Variants in AGBL1 observed in about 807,000 individuals in gnomAD.
The protein encoded by AGBL1 is cytosolic carboxypeptidase 4.
AGBL1 carries 130 observed loss-of-function variants against 118.9 expected under a neutral mutation model. The observed-to-expected ratio is 1.09, with a 90% CI of 0.95 to 1.26. AGBL1 has a LOEUF of 1.26. Ranked by LOEUF, AGBL1 falls within the 50% of genes most tolerant of loss-of-function variation. The pLI, the probability that AGBL1 is intolerant of heterozygous loss-of-function variation, is 0.00. For missense variants in AGBL1, 1,584 were observed against 1,298.1 expected (o/e 1.22, Z -3.38); for synonymous variants, 555 against 478.9 (o/e 1.16, Z -2.08).
chr15:86,635,300 CCCTCCTCCTCCTCCTCCTCCTCCT>C (rs567443527), intron 21 of AGBL1, among the ~76,000 whole-genome samples: 2 of 46,426 alleles, frequency 4.3e-5, no homozygotes, highest in Non-Finnish European at 7.3e-5. Context: ...CCTCCCCCTC[CCCTCCTCCTCCTCCTCCTCCTCCT>C]CCTCCTCCTC....
At chr15:86,241,208 T>C (rs1303047032) in intron 6 of AGBL1, among the ~76,000 whole-genome samples, 2 of 152,158 alleles carry the variant, frequency 1.3e-5, no homozygotes, top group African/African-American at 2.4e-5. Flanking sequence ...AAGAAAATGG[T>C]TATAAATTTT....
chr15:86,507,017 A>G (rs1596201388), intron 18 of AGBL1, among the ~76,000 whole-genome samples: 2 of 152,164 alleles, frequency 1.3e-5, no homozygotes, highest in South Asian at 4.2e-4. Context: ...AGTGAACTGA[A>G]GATGACATTT....
intron 6 of AGBL1, among the ~76,000 whole-genome samples, chr15:86,233,563 T>C (rs889272425): frequency 1.3e-5 from 2 of 152,218 alleles, no homozygotes; most frequent in East Asian, 1.9e-4. Flanking sequence ...CCAGAAGAAA[T>C]CAAGTTTGAA....
At chr15:86,264,139 C>T in intron 10 of AGBL1, 119 bp from the exon 11 acceptor site, 1 of 854,672 alleles carries the variant, frequency 1.2e-6, no homozygotes, top group Non-Finnish European at 1.8e-6. Context: ...TTGGAAAAAG[C>T]TTCCACATTC....
At chr15:86,894,995 G>A (rs1481325365) in intron 22 of AGBL1, among the ~76,000 whole-genome samples, 1 of 150,552 alleles carries the variant, frequency 6.6e-6, no homozygotes, top group Non-Finnish European at 1.5e-5. Flanking sequence ...CTGACCACTT[G>A]CCAGGGACAT....
At chr15:86,271,043 A>ACTT (rs1400470527) in intron 14 of AGBL1, among the ~76,000 whole-genome samples, 1 of 89,062 alleles carries the variant, frequency 1.1e-5, no homozygotes, top group African/African-American at 4.8e-5. Flanking sequence ...GTCACGTTGC[A>ACTT]TTTTTTTTTT....
chr15:86,405,833 TAA>T (rs113928718), intron 18 of AGBL1, among the ~76,000 whole-genome samples: 2 of 141,938 alleles, frequency 1.4e-5, no homozygotes, highest in Non-Finnish European at 3.1e-5. Flanking sequence ...AAGGAGATGC[TAA>T]AAAAAAAAAA....
chr15:86,572,396 G>A (rs1186315993), intron 21 of AGBL1, among the ~76,000 whole-genome samples: 1 of 152,134 alleles, frequency 6.6e-6, no homozygotes, highest in Non-Finnish European at 1.5e-5. Flanking sequence ...CCAGGTCCTC[G>A]CTGGGTCCCC....
intron 21 of AGBL1, among the ~76,000 whole-genome samples, chr15:86,565,886 T>G (rs1256292436): frequency 6.6e-6 from 1 of 152,208 alleles, no homozygotes; most frequent in African/African-American, 2.4e-5. Flanking sequence ...CAGACTGCTG[T>G]GCTAGCAATG....
chr15:86,335,715 A>G (rs540488605), intron 17 of AGBL1, among the ~76,000 whole-genome samples: 3 of 152,344 alleles, frequency 2.0e-5, no homozygotes, highest in African/African-American at 7.2e-5. Context: ...AGGTGTTGTT[A>G]TAAGAAAGTT....
intron 17 of AGBL1, among the ~76,000 whole-genome samples, chr15:86,363,839 C>G (rs184814440): frequency 1.3e-5 from 2 of 152,166 alleles, no homozygotes; most frequent in African/African-American, 4.8e-5. Flanking sequence ...CCCCCTGCCC[C>G]ACTCAGCTCT....
intron 23 of AGBL1, among the ~76,000 whole-genome samples, chr15:86,941,375 AG>A: frequency 6.6e-6 from 1 of 152,354 alleles, no homozygotes; most frequent in South Asian, 2.1e-4. Flanking sequence ...ATATTCTAAT[AG>A]GGAATTGGAG....
At chr15:86,507,955 G>T (rs1228400642) in intron 18 of AGBL1, among the ~76,000 whole-genome samples, 3 of 151,076 alleles carry the variant, frequency 2.0e-5, no homozygotes, top group African/African-American at 2.4e-5. Context: ...TAGAGAGAGG[G>T]TAGTTGATGC....
chr15:86,202,797 C>A (rs1224401664), intron 5 of AGBL1, among the ~76,000 whole-genome samples: 1 of 152,182 alleles, frequency 6.6e-6, no homozygotes, highest in Admixed American at 6.5e-5. Flanking sequence ...CAGATAAGAA[C>A]TGTAGTGGCT....
chr15:86,960,369 A>T (rs2080979544), intron 23 of AGBL1, among the ~76,000 whole-genome samples: 1 of 152,066 alleles, frequency 6.6e-6, no homozygotes, highest in Non-Finnish European at 1.5e-5. Context: ...TAGAAATATA[A>T]ATTATCTGGT....
intron 22 of AGBL1, among the ~76,000 whole-genome samples, chr15:86,680,812 C>T (rs2085940694): frequency 6.6e-6 from 1 of 151,954 alleles, no homozygotes; most frequent in Non-Finnish European, 1.5e-5. Flanking sequence ...AGTGATCCAC[C>T]CACCTCAGCC....
chr15:86,548,372 T>C (rs1275772508), intron 20 of AGBL1, among the ~76,000 whole-genome samples: 1 of 152,204 alleles, frequency 6.6e-6, no homozygotes, highest in Non-Finnish European at 1.5e-5. Context: ...TCAACTTTAA[T>C]GGTACTACTT....
chr15:86,797,891 C>G (rs1382319688), intron 22 of AGBL1, among the ~76,000 whole-genome samples: 1 of 152,060 alleles, frequency 6.6e-6, no homozygotes, highest in East Asian at 1.9e-4. Context: ...TGGATATGAC[C>G]TTTTTGTCAA....
intron 22 of AGBL1, among the ~76,000 whole-genome samples, chr15:86,755,992 C>T (rs2077933501): frequency 6.6e-6 from 1 of 152,082 alleles, no homozygotes. Flanking sequence ...GGAATTTCCC[C>T]ATGCTGTTTA....
Sources: allele counts gnomAD v4.1 joint callset (sites outside exome capture counted in the v4.1 genomes callset), GRCh38; gene constraint gnomAD v4.1.1; transcripts MANE v1.5; gene names NCBI Gene and HGNC (gene_info 2026-07-23, HGNC 2026-07-21).